The following DNMBP variants were observed in gnomAD, a reference collection of about 807,000 sequenced individuals.
DNMBP encodes the protein dynamin-binding protein.
DNMBP carries 87 observed loss-of-function variants against 150.0 expected under a neutral mutation model. The observed-to-expected ratio is 0.58, with a 90% CI of 0.49 to 0.69. The LOEUF is 0.69. Ranked by LOEUF, DNMBP falls within the 30% of genes least tolerant of loss-of-function variation. The probability of loss-of-function intolerance (pLI) is 0.00; values close to 1 mark genes in which losing one functional copy is unlikely to be tolerated. For synonymous variants in DNMBP, 711 were observed against 750.4 expected, an observed-to-expected ratio of 0.95 and a Z score of 0.86; for missense variants, 1,774 against 1,949.0, an observed-to-expected ratio of 0.91 and a Z score of 1.69.
At position 99,942,197 on chromosome 10, in the gene DNMBP, A is replaced by G. The variant is rs928944897; in HGVS notation, c.2260+13017T>C. 2.6e-5 allele frequency among the ~76,000 whole-genome samples: 4 copies of G among 152,086 alleles called. No homozygotes were observed. The East Asian group carries it at 7.7e-4, about 29-fold the overall frequency. ...GGTTTGGCTGGCCCCCAACAATCTT[A>G]CTCAAACATTATTTTTCAGAAGGTT... On this transcript the variant is annotated intron_variant, in intron 4 of 16. Coordinates refer to ENST00000324109, the MANE Select transcript of DNMBP (RefSeq NM_015221.4).
chr10:99,972,016 C>T lies in DNMBP; in HGVS notation c.109G>A (p.Glu37Lys). The T allele has an allele frequency of 6.2e-7, 1 of 1,613,946 alleles. No individual in the cohort carries two copies. The highest frequency in any genetic ancestry group is 8.5e-7 in the Non-Finnish European group (1 of 1,179,986). Residue 37 changes from glutamate (E) to lysine (K), a missense_variant, in exon 2 of 17, where the codon GAA becomes AAA. Coordinates refer to ENST00000324109, the MANE Select transcript of DNMBP (RefSeq NM_015221.4). ...DIIEVLAVVD[E>K]FWLLGKKEDV... ...TCCTTCTTTCCTAGAAGCCAAAATTCATCCACCACTGCCAGCACCTCAATA... is the reference window on the plus strand; with the variant it reads ...TCCTTCTTTCCTAGAAGCCAAAATTTATCCACCACTGCCAGCACCTCAATA...
chr10:99,895,979 C>G (rs1361808114), intron 10 of DNMBP, among the ~76,000 whole-genome samples: 2 of 152,166 alleles, frequency 1.3e-5, no homozygotes, highest in African/African-American at 2.4e-5. Flanking sequence ...TAGGTGATCT[C>G]TTAAATTCCT....
At chr10:99,884,975 G>A (rs2039434988) in intron 14 of DNMBP, among the ~76,000 whole-genome samples, 1 of 152,076 alleles carries the variant, frequency 6.6e-6, no homozygotes, top group Non-Finnish European at 1.5e-5. Context: ...CAAAAATATT[G>A]TAAGCAAAGA....
intron 1 of DNMBP, among the ~76,000 whole-genome samples, chr10:99,984,391 A>G (rs2040809124): frequency 6.6e-6 from 1 of 152,260 alleles, no homozygotes; most frequent in Non-Finnish European, 1.5e-5. Context: ...AGAGCTAAGT[A>G]GCTGAGCAAC....
At chr10:99,988,627 C>A (rs1417852860) in intron 1 of DNMBP, among the ~76,000 whole-genome samples, 1 of 152,076 alleles carries the variant, frequency 6.6e-6, no homozygotes, top group African/African-American at 2.4e-5. Context: ...CTAGCAATAT[C>A]TTGATATCTC....
chr10:99,903,948 G>T (rs2039784345), intron 6 of DNMBP, among the ~76,000 whole-genome samples: 1 of 151,288 alleles, frequency 6.6e-6, no homozygotes, highest in Non-Finnish European at 1.5e-5. Flanking sequence ...GTAGAGACGG[G>T]GTTTTCCCAT....
chr10:99,937,575 C>A (rs2040247507), intron 4 of DNMBP, among the ~76,000 whole-genome samples: 1 of 152,182 alleles, frequency 6.6e-6, no homozygotes, highest in African/African-American at 2.4e-5. Context: ...TCCCTCAAAC[C>A]AAGTGAACAA....
intron 4 of DNMBP, chr10:99,929,671 G>T (rs778942727): frequency 1.4e-6 from 1 of 702,794 alleles, no homozygotes; most frequent in South Asian, 1.5e-5. Flanking sequence ...GCTGTGCGGC[G>T]GAGGCAACTA....
chr10:99,877,092 C>CGTAACATTA lies in DNMBP; in HGVS notation c.*58_*59insTAATGTTAC. On this transcript the variant is annotated 3_prime_UTR_variant, in exon 17 of 17. Coordinates refer to ENST00000324109, the MANE Select transcript of DNMBP (RefSeq NM_015221.4). Reference sequence around the variant, plus strand: ...AGCAGGCGCCCTCTCGGTGGGCCGCCAGAACCCTCGGCGGACTGAAAGCAA... The same window carrying CGTAACATTA: ...AGCAGGCGCCCTCTCGGTGGGCCGCCGTAACATTAAGAACCCTCGGCGGACTGAAAGCAA... 1.4e-6 allele frequency: 2 copies of CGTAACATTA among 1,383,402 alleles called. No individual in the cohort carries two copies. Among genetic ancestry groups the CGTAACATTA allele is most frequent in the African/African-American group, 1.7e-5 (1 of 57,204 alleles). The allele number at this position is 1,383,402 out of a possible 1,614,324, so 85.7% of individuals were successfully genotyped here. A position where few individuals can be genotyped will look rare whatever the true frequency, so the allele number is the denominator to read the frequency against.
chr10:99,903,662 C>G (rs2039779824), intron 6 of DNMBP, among the ~76,000 whole-genome samples: 1 of 152,048 alleles, frequency 6.6e-6, no homozygotes, highest in African/African-American at 2.4e-5. Context: ...CCTAAAGCCA[C>G]CCATGTCTTC....
chr10:99,949,703 C>T (rs1003482797), intron 4 of DNMBP, among the ~76,000 whole-genome samples: 1 of 152,168 alleles, frequency 6.6e-6, no homozygotes, highest in African/African-American at 2.4e-5. Context: ...ACTACACCCA[C>T]ATTAAGTCTT....
At chr10:99,888,532 A>G (rs1400148609) in intron 12 of DNMBP, among the ~76,000 whole-genome samples, 3 of 152,190 alleles carry the variant, frequency 2.0e-5, no homozygotes, top group Non-Finnish European at 4.4e-5. Context: ...TATTATTCCT[A>G]TAGTTGCTTT....
chr10:99,974,840 C>G (rs1212917727), intron 1 of DNMBP, among the ~76,000 whole-genome samples: 1 of 152,176 alleles, frequency 6.6e-6, no homozygotes, highest in Admixed American at 6.5e-5. Flanking sequence ...AGTGGCTCAC[C>G]GTAGCCTCGA....
intron 1 of DNMBP, among the ~76,000 whole-genome samples, chr10:99,985,551 G>T (rs1291557305): frequency 6.6e-6 from 1 of 152,048 alleles, no homozygotes. Flanking sequence ...TCCTTCAAAA[G>T]AATATGCTTC....
rs2039276111 is a variant in DNMBP at position 99,876,470 on chromosome 10, TA to T, written c.*680del. ...TTTCAGATGAAGGGTCAACAGAAAA[TA>T]AAGACCCTAAACACTTCTAAAAGTA... On this transcript the variant is annotated 3_prime_UTR_variant, in exon 17 of 17. Coordinates refer to ENST00000324109, the MANE Select transcript of DNMBP (RefSeq NM_015221.4). 1 of 151,528 alleles carries T rather than the reference TA, an allele frequency of 6.6e-6. No homozygotes were observed. Among genetic ancestry groups the T allele is most frequent in the South Asian group, 2.1e-4 (1 of 4,800 alleles). 9.4% of individuals were successfully genotyped at this position (151,528 alleles called of 1,614,324 possible). A position where few individuals can be genotyped will look rare whatever the true frequency, so the allele number is the denominator to read the frequency against.
chr10:99,921,962 T>C (rs974042405), intron 4 of DNMBP, among the ~76,000 whole-genome samples: 4 of 150,244 alleles, frequency 2.7e-5, no homozygotes, highest in East Asian at 1.9e-4. Context: ...TTGGATTCAA[T>C]GAAATGCAAT....
intron 1 of DNMBP, among the ~76,000 whole-genome samples, chr10:100,001,310 A>G (rs895563190): frequency 6.9e-6 from 1 of 145,292 alleles, no homozygotes; most frequent in African/African-American, 2.5e-5. Context: ...TAGACATTGA[A>G]TCTCCTCACC....
At chr10:99,900,152 A>G in intron 6 of DNMBP, 86 bp from the exon 7 acceptor site, 1 of 1,390,678 alleles carries the variant, frequency 7.2e-7, no homozygotes. Context: ...AAACTTTAGT[A>G]CCAGCTAAAT....
At chr10:99,938,852 A>G (rs894863975) in intron 4 of DNMBP, among the ~76,000 whole-genome samples, 4 of 152,204 alleles carry the variant, frequency 2.6e-5, no homozygotes, top group African/African-American at 9.6e-5. Flanking sequence ...AGAACCCTGT[A>G]GACAACCATC....
Sources: allele counts gnomAD v4.1 joint callset (sites outside exome capture counted in the v4.1 genomes callset), GRCh38; gene constraint gnomAD v4.1.1; transcripts MANE v1.5; gene names NCBI Gene and HGNC (gene_info 2026-07-23, HGNC 2026-07-21).